Variants in SLC44A5 observed in about 807,000 individuals in gnomAD.
The protein encoded by SLC44A5 is solute carrier family 44 member 5, also known as choline transporter-like protein 5.
A neutral mutation model predicts 101.8 loss-of-function variants in SLC44A5; 57 were observed. That is an observed-to-expected ratio of 0.56 (90% CI 0.45 to 0.70). The LOEUF is 0.70. Among genes scored for constraint, SLC44A5 ranks in the 30% least tolerant of loss-of-function variants. The pLI is 0.00. For missense variants in SLC44A5, 737 were observed against 853.1 expected, an observed-to-expected ratio of 0.86 and a Z score of 1.70; for synonymous variants, 281 against 290.9, an observed-to-expected ratio of 0.97 and a Z score of 0.35.
intron 1 of SLC44A5, among the ~76,000 whole-genome samples, chr1:75,560,812 T>C (rs903239191): frequency 6.6e-6 from 1 of 152,180 alleles, no homozygotes; most frequent in Non-Finnish European, 1.5e-5. Flanking sequence ...TCACCTACTA[T>C]ATCTGCAAAT....
the SLC44A5 span, among the ~76,000 whole-genome samples, chr1:75,679,646 C>T: frequency 2.0e-4 from 30 of 151,950 alleles, no homozygotes; most frequent in African/African-American, 5.3e-4. Flanking sequence ...TGGTACCAGC[C>T]GCTGCAAAAT....
rs184083145 is a variant in SLC44A5, at chr1:75,220,504, T to C, written c.1086-612A>G. On this transcript the variant is annotated intron_variant, in intron 14 of 23. Transcript: ENST00000370859. ...CTTATTCTTTTTTCTTTGGAAAATA[T>C]AATGTCTATTTGCAGTTAAATGTAT... Among the ~76,000 whole-genome samples the C allele has an allele frequency of 1.5e-3, 228 of 152,272 alleles. 1 individual carries two copies. The highest frequency in any genetic ancestry group is 5.3e-3 in the African/African-American group (220 of 41,582).
intron 5 of SLC44A5, among the ~76,000 whole-genome samples, chr1:75,292,146 C>T (rs1209385270): frequency 6.6e-6 from 1 of 151,770 alleles, no homozygotes; most frequent in Non-Finnish European, 1.5e-5. Flanking sequence ...GCTGTGAATT[C>T]CCTGGTAAAG....
intron 2 of SLC44A5, among the ~76,000 whole-genome samples, chr1:75,477,431 G>T (rs1015188889): frequency 4.6e-5 from 7 of 152,052 alleles, no homozygotes; most frequent in Admixed American, 2.0e-4. Context: ...TTGAGAGAAG[G>T]CTTCAGATGA....
At chr1:75,573,643 T>G (rs1243491573) in intron 1 of SLC44A5, among the ~76,000 whole-genome samples, 4 of 152,144 alleles carry the variant, frequency 2.6e-5, no homozygotes, top group Admixed American at 2.6e-4. Context: ...GTGACAATGA[T>G]TATACACAGG....
At chr1:75,361,269 C>T (rs994203590) in intron 3 of SLC44A5, among the ~76,000 whole-genome samples, 1 of 152,046 alleles carries the variant, frequency 6.6e-6, no homozygotes, top group Non-Finnish European at 1.5e-5. Context: ...GACAATTTCA[C>T]GTCTTCTTTT....
At chr1:75,708,162 C>T in the SLC44A5 span, among the ~76,000 whole-genome samples, 1 of 151,526 alleles carries the variant, frequency 6.6e-6, no homozygotes, top group Non-Finnish European at 1.5e-5. Flanking sequence ...CCTGTAATCC[C>T]AGCACTTTGG....
chr1:75,468,947 T>G (rs571167617), intron 2 of SLC44A5, among the ~76,000 whole-genome samples: 1 of 152,298 alleles, frequency 6.6e-6, no homozygotes, highest in East Asian at 1.9e-4. Context: ...CATAAATATA[T>G]ACACCTGCTA....
At chr1:75,550,333 C>A (rs1211200770) in intron 1 of SLC44A5, among the ~76,000 whole-genome samples, 2 of 151,998 alleles carry the variant, frequency 1.3e-5, no homozygotes, top group Non-Finnish European at 2.9e-5. Context: ...AATGAAATGT[C>A]CAGAATAGGT....
At chr1:75,493,142 C>T (rs967734630) in intron 2 of SLC44A5, among the ~76,000 whole-genome samples, 2 of 152,106 alleles carry the variant, frequency 1.3e-5, no homozygotes, top group African/African-American at 4.8e-5. Context: ...ACACATTCAG[C>T]GTCATGTTTG....
chr1:75,361,673 T>C (rs1659498275), intron 3 of SLC44A5, among the ~76,000 whole-genome samples: 1 of 152,122 alleles, frequency 6.6e-6, no homozygotes, highest in African/African-American at 2.4e-5. Context: ...TGTTGAATCA[T>C]CCTTGTATCC....
At chr1:75,288,227 C>G (rs894310832) in intron 5 of SLC44A5, among the ~76,000 whole-genome samples, 1 of 152,178 alleles carries the variant, frequency 6.6e-6, no homozygotes. Context: ...CTTATAGCTA[C>G]ACTTTCTAGG....
the SLC44A5 span, among the ~76,000 whole-genome samples, chr1:75,619,765 C>T: frequency 6.6e-6 from 1 of 152,160 alleles, no homozygotes; most frequent in East Asian, 1.9e-4. Flanking sequence ...TTACCAAGGC[C>T]TTGGGTGCAA....
intron 5 of SLC44A5, among the ~76,000 whole-genome samples, chr1:75,284,423 G>T (rs1652875120): frequency 6.6e-6 from 1 of 151,984 alleles, no homozygotes; most frequent in Admixed American, 6.6e-5. Flanking sequence ...AGTCTTTAGG[G>T]TTTTCTAGGT....
At chr1:75,480,599 T>A (rs1490150929) in intron 2 of SLC44A5, among the ~76,000 whole-genome samples, 1 of 152,112 alleles carries the variant, frequency 6.6e-6, no homozygotes, top group Non-Finnish European at 1.5e-5. Flanking sequence ...AGCATTCTTA[T>A]ACACCAATAA....
chr1:75,402,174 G>GA (rs1413332952), intron 2 of SLC44A5, among the ~76,000 whole-genome samples: 1 of 152,124 alleles, frequency 6.6e-6, no homozygotes, highest in East Asian at 1.9e-4. Flanking sequence ...CTCATAGCCT[G>GA]AAAAAAACAC....
Position 75,380,382 on chromosome 1 carries a change from A to G in SLC44A5, c.52+16201T>C, listed in dbSNP as rs1319331172. Among the ~76,000 whole-genome samples, 32 of 83,930 alleles carry G rather than the reference A, an allele frequency of 3.8e-4. 1 individual carries two copies. Among genetic ancestry groups the G allele is most frequent in the East Asian group, 5.9e-3 (2 of 338 alleles). 55.1% of individuals were successfully genotyped at this position (83,930 alleles called of 152,430 possible). A position where few individuals can be genotyped will look rare whatever the true frequency, so the allele number is the denominator to read the frequency against. On this transcript the variant is annotated intron_variant, in intron 3 of 23. Coordinates refer to ENST00000370859, the MANE Select transcript of SLC44A5 (RefSeq NM_001130058.2). ...ATTCAGACTATAAAGGTGAAATTCA[A>G]TTGGTTATTAGCTCTTCAATTCCTT...
chr1:75,525,955 A>G (rs140934625), intron 2 of SLC44A5, among the ~76,000 whole-genome samples: 13 of 152,322 alleles, frequency 8.5e-5, no homozygotes, highest in Non-Finnish European at 1.9e-4. Context: ...TATTTAGAAA[A>G]TGTTTAAAGT....
At chr1:75,682,895 A>C in the SLC44A5 span, among the ~76,000 whole-genome samples, 16 of 152,310 alleles carry the variant, frequency 1.1e-4, no homozygotes, top group South Asian at 2.5e-3. Context: ...CAATGAACTC[A>C]AACAAATTAA....
Sources: allele counts gnomAD v4.1 joint callset (sites outside exome capture counted in the v4.1 genomes callset), GRCh38; gene constraint gnomAD v4.1.1; transcripts MANE v1.5; gene names NCBI Gene and HGNC (gene_info 2026-07-23, HGNC 2026-07-21).